Variants in ZMYM2 observed in about 807,000 individuals in gnomAD.
ZMYM2 encodes zinc finger MYM-type containing 2, also known as zinc finger MYM-type protein 2.
A neutral mutation model predicts 162.8 loss-of-function variants in ZMYM2; 56 were observed. That is an observed-to-expected ratio of 0.34 (90% confidence interval 0.28 to 0.43). ZMYM2 has a LOEUF of 0.43. ZMYM2 is among the 20% of genes least tolerant of loss of function. The pLI, the probability that ZMYM2 is intolerant of heterozygous loss-of-function variation, is 1.00. For missense variants in ZMYM2, 1,275 were observed against 1,621.8 expected (o/e 0.79, Z 3.67); for synonymous variants, 510 against 541.6 (o/e 0.94, Z 0.81).
intron 9 of ZMYM2, among the ~76,000 whole-genome samples, chr13:20,030,446 T>A (rs1311391226): frequency 1.0e-4 from 15 of 149,208 alleles, no homozygotes; most frequent in Non-Finnish European, 1.8e-4. Flanking sequence ...TCGCCCAGGC[T>A]GGAGTGCAGT....
intron 2 of ZMYM2, chr13:19,965,132 T>G: frequency 1.5e-6 from 1 of 667,208 alleles, no homozygotes; most frequent in Non-Finnish European, 2.1e-6. Context: ...CTAAGTAACA[T>G]TGGGATGCAC....
At chr13:19,958,197 C>T (rs1056149015), upstream of ZMYM2, among the ~76,000 whole-genome samples, 1 of 151,820 alleles carries the variant, frequency 6.6e-6, no homozygotes, top group South Asian at 2.1e-4. Flanking sequence ...CCCGCTCCAG[C>T]GCCTCCCCGG....
chr13:20,011,905 T>C (rs992277350), intron 6 of ZMYM2, among the ~76,000 whole-genome samples: 2 of 152,010 alleles, frequency 1.3e-5, no homozygotes, highest in Admixed American at 6.6e-5. Context: ...CACACCACCA[T>C]GCCCAGCTAT....
At chr13:20,032,450 A>G (rs1953254623) in intron 10 of ZMYM2, among the ~76,000 whole-genome samples, 2 of 152,150 alleles carry the variant, frequency 1.3e-5, no homozygotes, top group Non-Finnish European at 2.9e-5. Context: ...CATGGAGTAT[A>G]TGATAAAATG....
intron 7 of ZMYM2, 132 bp downstream of exon 7, chr13:20,019,750 A>G: frequency 1.3e-6 from 1 of 778,750 alleles, no homozygotes; most frequent in Non-Finnish European, 2.1e-6. Flanking sequence ...ATTGTATCAA[A>G]TGATGAATGT....
In ZMYM2 at chr13:20,035,464, A is replaced by C. The variant is rs114895800; in HGVS notation, c.2119+1060A>C. Among the ~76,000 whole-genome samples, 525 of 152,316 alleles carry C rather than the reference A, an allele frequency of 3.4e-3. 3 individuals carry two copies. The highest frequency in any genetic ancestry group is 0.012 in the African/African-American group (493 of 41,578). ...TATAATGAAAAATGACAAATCTTAC[A>C]ATGTTTCATTGAAAAGATTGATTCT... On this transcript the variant is annotated intron_variant, in intron 11 of 24. Coordinates refer to ENST00000610343, the MANE Select transcript of ZMYM2 (RefSeq NM_197968.4).
intron 1 of ZMYM2, among the ~76,000 whole-genome samples, chr13:19,959,561 A>C (rs2312995): frequency 6.6e-6 from 1 of 152,134 alleles, no homozygotes; most frequent in African/African-American, 2.4e-5. Context: ...TCGGCCCAGC[A>C]GTGACGTGAG....
At chr13:19,884,544 G>A in the ZMYM2 span, among the ~76,000 whole-genome samples, 8 of 151,942 alleles carry the variant, frequency 5.3e-5, no homozygotes, top group Non-Finnish European at 8.8e-5. Context: ...CTGCACTCCA[G>A]CCCGGGCAAC....
chr13:20,016,506 C>T (rs1273717229), intron 6 of ZMYM2, among the ~76,000 whole-genome samples: 2 of 152,086 alleles, frequency 1.3e-5, no homozygotes, highest in Non-Finnish European at 2.9e-5. Flanking sequence ...GCTTTGACTC[C>T]TTTTAGCATT....
intron 6 of ZMYM2, among the ~76,000 whole-genome samples, chr13:20,009,577 C>T (rs561403367): frequency 6.6e-6 from 1 of 152,216 alleles, no homozygotes; most frequent in African/African-American, 2.4e-5. Flanking sequence ...TTTTTTCTAT[C>T]CCAGTCCTTG....
At chr13:19,943,303 G>C in the ZMYM2 span, among the ~76,000 whole-genome samples, 1 of 152,004 alleles carries the variant, frequency 6.6e-6, no homozygotes, top group Non-Finnish European at 1.5e-5. Flanking sequence ...ATTTTAATTT[G>C]ATTATCTCTA....
At chr13:19,895,562 C>G in the ZMYM2 span, among the ~76,000 whole-genome samples, 8 of 151,842 alleles carry the variant, frequency 5.3e-5, no homozygotes, top group Non-Finnish European at 1.0e-4. Context: ...TGGTCTCTTT[C>G]TCTTCTTATA....
chr13:19,931,147 A>AAAAAAT, the ZMYM2 span, among the ~76,000 whole-genome samples: 1 of 147,260 alleles, frequency 6.8e-6, no homozygotes, highest in Middle Eastern at 3.5e-3. Context: ...TCAAAAAAAA[A>AAAAAAT]AATAATAATA....
the ZMYM2 span, among the ~76,000 whole-genome samples, chr13:19,898,601 C>G: frequency 6.6e-6 from 1 of 151,762 alleles, no homozygotes; most frequent in Non-Finnish European, 1.5e-5. Context: ...TATATTGTAA[C>G]AAATTAAACA....
chr13:20,043,691 T>C (rs1954492717), intron 12 of ZMYM2, among the ~76,000 whole-genome samples: 1 of 151,712 alleles, frequency 6.6e-6, no homozygotes, highest in Non-Finnish European at 1.5e-5. Flanking sequence ...TGCAGTGTCG[T>C]TGGTGGGGCA....
intron 1 of ZMYM2, among the ~76,000 whole-genome samples, chr13:19,959,173 C>T (rs867114579): frequency 5.2e-4 from 68 of 131,536 alleles, no homozygotes; most frequent in African/African-American, 1.9e-3. Context: ...GCGGGGCCGG[C>T]GGGGCGGCGG....
At chr13:20,049,609 G>A (rs1262478437) in intron 12 of ZMYM2, among the ~76,000 whole-genome samples, 2 of 151,998 alleles carry the variant, frequency 1.3e-5, no homozygotes, top group Non-Finnish European at 2.9e-5. Flanking sequence ...ATTGCTTAGG[G>A]TACAGGCTAA....
chr13:20,046,404 A>T (rs894095129), intron 12 of ZMYM2, among the ~76,000 whole-genome samples: 1 of 151,710 alleles, frequency 6.6e-6, no homozygotes, highest in Non-Finnish European at 1.5e-5. Flanking sequence ...AATAAAAAAA[A>T]TTAGCCAGGC....
At chr13:20,003,235 C>G (rs2139915499) in intron 4 of ZMYM2, 100 bp downstream of exon 4, 1 of 1,371,618 alleles carries the variant, frequency 7.3e-7, no homozygotes, top group Middle Eastern at 2.3e-4. Context: ...GGAAACTTCC[C>G]TATCAAGTCC....
Sources: allele counts gnomAD v4.1 joint callset (sites outside exome capture counted in the v4.1 genomes callset), GRCh38; gene constraint gnomAD v4.1.1; transcripts MANE v1.5; gene names NCBI Gene and HGNC (gene_info 2026-07-23, HGNC 2026-07-21).